Variants in RAB1A observed in about 807,000 individuals in gnomAD.
RAB1A encodes RAB1A, member RAS oncogene family, also known as ras-related protein Rab-1A.
Under a neutral mutation model 26.0 loss-of-function variants are expected in RAB1A, and 2 were observed. The ratio of observed to expected loss-of-function variants is 0.08; its 90% CI spans 0.03 to 0.24. The LOEUF is 0.24. Ranked by LOEUF, RAB1A falls within the 10% of genes least tolerant of loss-of-function variation. The pLI is 1.00. For synonymous variants in RAB1A, 84 were observed against 84.9 expected (o/e 0.99, Z 0.06); for missense variants, 100 against 247.0 (o/e 0.40, Z 3.99).
intron 2 of RAB1A, 39 bp downstream of exon 2, chr2:65,104,695 T>A (rs1407866459): frequency 7.4e-7 from 1 of 1,343,018 alleles, no homozygotes; most frequent in South Asian, 1.3e-5. Context: ...TAGCATTAAT[T>A]GTACCATTAA....
intron 3 of RAB1A, among the ~76,000 whole-genome samples, chr2:65,094,255 C>T (rs1669234423): frequency 6.6e-6 from 1 of 152,204 alleles, no homozygotes; most frequent in Admixed American, 6.5e-5. Context: ...CAGGGGTGAA[C>T]AACTGCACCT....
At chr2:65,117,296 T>C (rs1669848112) in intron 1 of RAB1A, among the ~76,000 whole-genome samples, 2 of 152,152 alleles carry the variant, frequency 1.3e-5, no homozygotes, top group Non-Finnish European at 2.9e-5. Context: ...ACTCCTGGCC[T>C]CAGGCAATCC....
chr2:65,129,211 A>T (rs1670177221), intron 1 of RAB1A, among the ~76,000 whole-genome samples: 1 of 151,742 alleles, frequency 6.6e-6, no homozygotes, highest in South Asian at 2.1e-4. Flanking sequence ...AAAAAAAAAA[A>T]ACAAAATTCT....
intron 2 of RAB1A, among the ~76,000 whole-genome samples, chr2:65,098,751 A>C (rs572296936): frequency 6.6e-6 from 1 of 151,968 alleles, no homozygotes; most frequent in Admixed American, 6.6e-5. Context: ...TGGAATCATA[A>C]AATATGTGGC....
chr2:65,100,499 T>TA (rs1669398339), intron 2 of RAB1A, among the ~76,000 whole-genome samples: 1 of 143,428 alleles, frequency 7.0e-6, no homozygotes, highest in Non-Finnish European at 1.5e-5. Context: ...GTGGCTCACA[T>TA]ATGTAATCCC....
At chr2:65,107,105 G>C (rs1238786352) in intron 1 of RAB1A, among the ~76,000 whole-genome samples, 2 of 151,040 alleles carry the variant, frequency 1.3e-5, no homozygotes, top group Non-Finnish European at 2.9e-5. Context: ...TCGCTCTGTT[G>C]CCCAGGCTGG....
At chr2:65,114,991 T>C (rs1669792504) in intron 1 of RAB1A, among the ~76,000 whole-genome samples, 1 of 152,216 alleles carries the variant, frequency 6.6e-6, no homozygotes, top group Non-Finnish European at 1.5e-5. Flanking sequence ...GTCACTCTGT[T>C]ATAAAAGTGA....
intron 3 of RAB1A, among the ~76,000 whole-genome samples, chr2:65,093,826 G>C (rs1669224617): frequency 6.6e-6 from 1 of 151,962 alleles, no homozygotes; most frequent in Non-Finnish European, 1.5e-5. Context: ...GCTTCACCAT[G>C]CTGGCCAGGC....
intron 1 of RAB1A, among the ~76,000 whole-genome samples, chr2:65,107,035 G>A (rs762419195): frequency 2.0e-5 from 3 of 151,994 alleles, no homozygotes; most frequent in Non-Finnish European, 2.9e-5. Context: ...CTACAGGTGT[G>A]AGCCACCATG....
In RAB1A at chr2:65,087,504, G is replaced by C. The variant is rs1364882142; in HGVS notation, c.*989C>G. ...ATTAGTCTGATCATTTGCCAATTAG[G>C]AAAGGTGCTGCTTTCTACCTCTACC... On this transcript the variant is annotated 3_prime_UTR_variant, in exon 6 of 6. Coordinates refer to ENST00000409784, the MANE Select transcript of RAB1A (RefSeq NM_004161.5). 1 of 152,618 alleles carries C rather than the reference G, an allele frequency of 6.6e-6. No individual in the cohort carries two copies. Among genetic ancestry groups the C allele is most frequent in the East Asian group, 1.9e-4 (1 of 5,198 alleles). The allele number at this position is 152,618 out of a possible 1,614,324, so 9.5% of individuals were successfully genotyped here.
chr2:65,127,903 T>G (rs1008033701), intron 1 of RAB1A, among the ~76,000 whole-genome samples: 1 of 152,110 alleles, frequency 6.6e-6, no homozygotes, highest in African/African-American at 2.4e-5. Context: ...CCGGCTAATT[T>G]TTTTGCATTT....
intron 1 of RAB1A, among the ~76,000 whole-genome samples, chr2:65,110,927 T>G (rs920394794): frequency 4.7e-5 from 7 of 150,446 alleles, no homozygotes; most frequent in Non-Finnish European, 7.4e-5. Context: ...CAGAGTGAGA[T>G]CCCATCTCTT....
chr2:65,115,387 G>T (rs1418434059), intron 1 of RAB1A, among the ~76,000 whole-genome samples: 1 of 152,104 alleles, frequency 6.6e-6, no homozygotes, highest in African/African-American at 2.4e-5. Context: ...AACTTCAGCT[G>T]CAATGATCAT....
At chr2:65,090,171 GCAT>G (rs1669138812) in intron 4 of RAB1A, among the ~76,000 whole-genome samples, 1 of 152,018 alleles carries the variant, frequency 6.6e-6, no homozygotes, top group Non-Finnish European at 1.5e-5. Context: ...TTTTAAACTA[GCAT>G]CATTTTTTTC....
chr2:65,088,373 G>T lies in RAB1A; in HGVS notation c.*120C>A. The T allele has an allele frequency of 1.2e-6, 1 of 814,574 alleles. No homozygotes were observed. The highest frequency in any genetic ancestry group is 1.9e-6 in the Non-Finnish European group (1 of 538,936). 50.5% of individuals were successfully genotyped at this position (814,574 alleles called of 1,614,324 possible). On this transcript the variant is annotated 3_prime_UTR_variant, in exon 6 of 6. Transcript: ENST00000409784. ...TGACCATTTACAATCTCTGACCTTTGTGGAGACGGTAAGAATCTGTTGTAG... is the reference window on the plus strand; with the variant it reads ...TGACCATTTACAATCTCTGACCTTTTTGGAGACGGTAAGAATCTGTTGTAG...
chr2:65,122,154 TCAAAAAAAAAAAAA>T (rs1250656554), intron 1 of RAB1A, among the ~76,000 whole-genome samples: 7 of 115,794 alleles, frequency 6.0e-5, no homozygotes, highest in East Asian at 2.4e-4. Context: ...AGACTCTATC[TCAAAAAAAAAAAAA>T]AAAAAAAAAA....
intron 1 of RAB1A, among the ~76,000 whole-genome samples, chr2:65,108,368 A>AAAG (rs1553393531): frequency 1.3e-3 from 180 of 143,996 alleles, no homozygotes; most frequent in Middle Eastern, 3.7e-3. Context: ...AAAAAAAAAA[A>AAAG]AAAGAAAGAA....
At chr2:65,098,170 GTTTACT>G in intron 2 of RAB1A, 104 bp from the exon 3 acceptor site, 1 of 624,948 alleles carries the variant, frequency 1.6e-6, no homozygotes, top group Non-Finnish European at 2.5e-6. Context: ...TAAAAAAAAA[GTTTACT>G]TTTATCTACA....
At chr2:65,110,250 G>T (rs955097362) in intron 1 of RAB1A, among the ~76,000 whole-genome samples, 2 of 151,960 alleles carry the variant, frequency 1.3e-5, no homozygotes, top group African/African-American at 4.8e-5. Flanking sequence ...GACCATCCTG[G>T]CTAACATGGT....
Sources: allele counts gnomAD v4.1 joint callset (sites outside exome capture counted in the v4.1 genomes callset), GRCh38; gene constraint gnomAD v4.1.1; transcripts MANE v1.5; gene names NCBI Gene and HGNC (gene_info 2026-07-23, HGNC 2026-07-21).